The following RCAN2 variants were observed in gnomAD, a reference collection of about 807,000 sequenced individuals.
RCAN2 encodes calcipressin-2.
Under a neutral mutation model 23.6 loss-of-function variants are expected in RCAN2, and 9 were observed. That is an observed-to-expected ratio of 0.38 (90% CI 0.23 to 0.67). The LOEUF (loss-of-function observed/expected upper bound fraction) is 0.67. Ranked by LOEUF, RCAN2 falls within the 30% of genes least tolerant of loss-of-function variation. The pLI is 0.51. For missense variants in RCAN2, 273 were observed against 302.3 expected (o/e 0.90, Z 0.72); for synonymous variants, 109 against 115.7 (o/e 0.94, Z 0.37).
intron 2 of RCAN2, among the ~76,000 whole-genome samples, chr6:46,388,477 T>G (rs775255284): frequency 2.6e-5 from 4 of 152,142 alleles, no homozygotes; most frequent in Non-Finnish European, 5.9e-5. Context: ...TAAATCATTC[T>G]GCTATAAAGA....
chr6:46,485,042 G>A (rs896591139), intron 1 of RCAN2, among the ~76,000 whole-genome samples: 1 of 152,150 alleles, frequency 6.6e-6, no homozygotes, highest in South Asian at 2.1e-4. Context: ...TACAGAGAAA[G>A]CTTTAAGAAG....
At chr6:46,308,474 C>A (rs1371654713) in intron 2 of RCAN2, among the ~76,000 whole-genome samples, 1 of 151,960 alleles carries the variant, frequency 6.6e-6, no homozygotes, top group Non-Finnish European at 1.5e-5. Flanking sequence ...TTGGGCAGGG[C>A]CAGAGGTGCT....
chr6:46,437,216 T>C, intron 2 of RCAN2, among the ~76,000 whole-genome samples: 1 of 152,186 alleles, frequency 6.6e-6, no homozygotes, highest in Non-Finnish European at 1.5e-5. Context: ...AATGTTCCAT[T>C]TCTGGGCTTG....
At chr6:46,444,725 G>T (rs1767649583) in intron 2 of RCAN2, among the ~76,000 whole-genome samples, 1 of 152,238 alleles carries the variant, frequency 6.6e-6, no homozygotes, top group African/African-American at 2.4e-5. Flanking sequence ...CATGGGCCAG[G>T]CCTGCTCCAG....
intron 2 of RCAN2, among the ~76,000 whole-genome samples, chr6:46,390,993 C>A (rs1293732611): frequency 6.6e-6 from 1 of 152,106 alleles, no homozygotes; most frequent in East Asian, 1.9e-4. Context: ...ACAAAGGAAG[C>A]TGAGGCAAAG....
intron 2 of RCAN2, among the ~76,000 whole-genome samples, chr6:46,443,089 A>G (rs1767601415): frequency 6.6e-6 from 1 of 152,224 alleles, no homozygotes; most frequent in African/African-American, 2.4e-5. Context: ...AATAATTTAA[A>G]TATTCCTTAA....
intron 2 of RCAN2, among the ~76,000 whole-genome samples, chr6:46,424,405 C>T (rs150194943): frequency 6.6e-6 from 1 of 152,124 alleles, no homozygotes; most frequent in African/African-American, 2.4e-5. Context: ...ACTAGGGTGT[C>T]CTGCCTCTGA....
intron 2 of RCAN2, among the ~76,000 whole-genome samples, chr6:46,330,302 C>G (rs1763926374): frequency 6.6e-6 from 1 of 152,154 alleles, no homozygotes; most frequent in Non-Finnish European, 1.5e-5. Flanking sequence ...GGAGGGAAGA[C>G]CAGTATCTGT....
At chr6:46,480,276 G>T (rs937443752) in intron 1 of RCAN2, among the ~76,000 whole-genome samples, 1 of 152,192 alleles carries the variant, frequency 6.6e-6, no homozygotes, top group Non-Finnish European at 1.5e-5. Flanking sequence ...TACCTCACAG[G>T]TTTGTCGAGA....
chr6:46,445,296 C>T (rs1276073116), intron 2 of RCAN2, among the ~76,000 whole-genome samples: 1 of 152,148 alleles, frequency 6.6e-6, no homozygotes, highest in Non-Finnish European at 1.5e-5. Flanking sequence ...GGCTCCAGGC[C>T]TAACCCTATG....
At chr6:46,256,174 A>G (rs1424925493) in intron 2 of RCAN2, among the ~76,000 whole-genome samples, 4 of 152,046 alleles carry the variant, frequency 2.6e-5, no homozygotes, top group Non-Finnish European at 2.9e-5. Flanking sequence ...GTTCAAGACC[A>G]GACTAGCTGA....
At chr6:46,467,079 A>G (rs1042896998) in intron 1 of RCAN2, among the ~76,000 whole-genome samples, 2 of 152,000 alleles carry the variant, frequency 1.3e-5, no homozygotes, top group African/African-American at 4.8e-5. Context: ...TTGCGCTTGC[A>G]CCTCTTGGGA....
intron 4 of RCAN2, among the ~76,000 whole-genome samples, chr6:46,239,278 T>G (rs1427494548): frequency 6.6e-6 from 1 of 152,228 alleles, no homozygotes; most frequent in African/African-American, 2.4e-5. Flanking sequence ...GAGAAAGAAC[T>G]TATCTTCTAA....
At chr6:46,275,819 A>G (rs1190776163) in intron 2 of RCAN2, among the ~76,000 whole-genome samples, 1 of 152,218 alleles carries the variant, frequency 6.6e-6, no homozygotes. Flanking sequence ...AAAGTTTCTT[A>G]AAGTATGGAA....
intron 2 of RCAN2, among the ~76,000 whole-genome samples, chr6:46,417,695 A>G (rs981125076): frequency 8.5e-5 from 13 of 152,232 alleles, no homozygotes; most frequent in Admixed American, 7.9e-4. Flanking sequence ...TCTTATCGAC[A>G]TAATCCAACA....
chr6:46,348,962 A>G (rs1188329224), intron 2 of RCAN2, among the ~76,000 whole-genome samples: 1 of 152,182 alleles, frequency 6.6e-6, no homozygotes, highest in Non-Finnish European at 1.5e-5. Context: ...ACCATTAAGT[A>G]TATCGATACT....
intron 2 of RCAN2, among the ~76,000 whole-genome samples, chr6:46,369,445 GTATAA>G (rs1243338732): frequency 3.3e-5 from 5 of 152,158 alleles, no homozygotes; most frequent in Non-Finnish European, 7.4e-5. Context: ...ATGACTGACA[GTATAA>G]TATGTTTGTT....
intron 2 of RCAN2, among the ~76,000 whole-genome samples, chr6:46,447,528 C>T (rs1335261174): frequency 2.6e-5 from 4 of 151,934 alleles, no homozygotes; most frequent in Non-Finnish European, 5.9e-5. Flanking sequence ...TTGAATCCAA[C>T]AGCAGCAGGA....
rs1225318701 is a variant in RCAN2, at chr6:46,222,291, C to T, written c.*850G>A. ...AAAACATCCAGATTTTTTAAAAGCA[C>T]AGCTGAAACATTTGTACAAATATAC... On this transcript the variant is annotated 3_prime_UTR_variant, in exon 5 of 5. Transcript: ENST00000371374. 3.8e-6 allele frequency: 1 copy of T among 261,854 alleles called. No homozygotes were observed. The highest frequency in any genetic ancestry group is 2.2e-5 in the African/African-American group (1 of 45,356). 16.2% of individuals were successfully genotyped at this position (261,854 alleles called of 1,614,324 possible).
Sources: gnomAD v4.1 joint callset for allele counts (sites outside exome capture counted in the v4.1 genomes callset) on GRCh38, gnomAD v4.1.1 for gene constraint, MANE v1.5 for transcripts, NCBI Gene and HGNC (gene_info 2026-07-23, HGNC 2026-07-21) for gene names.